ARHGEF28: variants seen among roughly 807,000 people sequenced by gnomAD.
The protein encoded by ARHGEF28 is Rho guanine nucleotide exchange factor 28.
In ARHGEF28, 152 loss-of-function variants were observed where a neutral mutation model predicts 206.6. That is an observed-to-expected ratio of 0.74 (90% CI 0.64 to 0.84). The LOEUF (loss-of-function observed/expected upper bound fraction) is 0.84. Among genes scored for constraint, ARHGEF28 ranks in the 40% least tolerant of loss-of-function variants. ARHGEF28 has a pLI of 0.00. For synonymous variants in ARHGEF28, 763 were observed against 776.4 expected (o/e 0.98, Z 0.29); for missense variants, 2,028 against 2,073.2 (o/e 0.98, Z 0.42).
At chr5:73,811,292 C>A (rs1393870676) in intron 9 of ARHGEF28, among the ~76,000 whole-genome samples, 1 of 152,120 alleles carries the variant, frequency 6.6e-6, no homozygotes, top group Non-Finnish European at 1.5e-5. Context: ...GTTTTCTCTA[C>A]CCAGAAGTAC....
chr5:73,925,968 G>A (rs1763777141), intron 35 of ARHGEF28, among the ~76,000 whole-genome samples: 1 of 152,186 alleles, frequency 6.6e-6, no homozygotes, highest in South Asian at 2.1e-4. Context: ...ATACTTAGGA[G>A]AATTGCTGCT....
intron 2 of ARHGEF28, among the ~76,000 whole-genome samples, chr5:73,704,609 G>C (rs1283005947): frequency 6.6e-6 from 1 of 152,006 alleles, no homozygotes; most frequent in Non-Finnish European, 1.5e-5. Flanking sequence ...ATTTTTAGTA[G>C]AAATGGGGTT....
At chr5:73,882,410 A>ATT in intron 22 of ARHGEF28, 62 bp from the exon 23 acceptor site, 1 of 1,183,522 alleles carries the variant, frequency 8.4e-7, no homozygotes. Context: ...AAAATTGCAT[A>ATT]TTTTTTGTGT....
At chr5:73,852,510 A>C (rs530205775) in intron 13 of ARHGEF28, 140 bp from the exon 14 acceptor site, 1 of 742,420 alleles carries the variant, frequency 1.3e-6, no homozygotes, top group African/African-American at 1.7e-5. Context: ...CCTTACTTAT[A>C]TAAGGTAACT....
chr5:73,720,581 G>T (rs1444142790), intron 2 of ARHGEF28, among the ~76,000 whole-genome samples: 1 of 152,100 alleles, frequency 6.6e-6, no homozygotes, highest in Non-Finnish European at 1.5e-5. Context: ...GGGAATGACG[G>T]GTGGGATGGT....
intron 22 of ARHGEF28, 44 bp from the exon 23 acceptor site, chr5:73,882,428 A>T: frequency 1.5e-6 from 2 of 1,311,658 alleles, no homozygotes; most frequent in Non-Finnish European, 1.0e-6. Context: ...TGTGTTTAGA[A>T]CTTACTAAAT....
intron 9 of ARHGEF28, among the ~76,000 whole-genome samples, chr5:73,802,606 A>G (rs1206314843): frequency 6.6e-6 from 1 of 152,172 alleles, no homozygotes; most frequent in Non-Finnish European, 1.5e-5. Flanking sequence ...TTTCAATAAA[A>G]TGATTAGATT....
chr5:73,740,908 A>T (rs1238275338), intron 2 of ARHGEF28, among the ~76,000 whole-genome samples: 1 of 152,086 alleles, frequency 6.6e-6, no homozygotes, highest in Non-Finnish European at 1.5e-5. Flanking sequence ...TAAAATCCCA[A>T]CTTGTGTCTA....
At chr5:73,875,901 G>A (rs934552092) in intron 22 of ARHGEF28, among the ~76,000 whole-genome samples, 6 of 152,048 alleles carry the variant, frequency 3.9e-5, no homozygotes, top group East Asian at 1.9e-4. Flanking sequence ...TTGGCGATGC[G>A]GGCTCTTTTT....
At position 73,627,533 on chromosome 5, in the gene ARHGEF28, A is replaced by C. The variant is rs140397533; in HGVS notation, c.-12+1211A>C. Among the ~76,000 whole-genome samples, 1,476 of 152,288 alleles carry C rather than the reference A, an allele frequency of 9.7e-3. 33 individuals are homozygous for C. Among genetic ancestry groups the C allele is most frequent in the African/African-American group, 0.033 (1,383 of 41,562 alleles). On this transcript the variant is annotated intron_variant, in intron 1 of 35. Transcript: ENST00000513042. ...GGGAAACCTGGGAAGGTTTCTCTAG[A>C]TCTGTCCTGGGTTTTTAGTTACACA...
intron 2 of ARHGEF28, among the ~76,000 whole-genome samples, chr5:73,719,367 C>T (rs1459278821): frequency 2.0e-5 from 3 of 149,930 alleles, no homozygotes; most frequent in African/African-American, 7.4e-5. Context: ...GCCGAGATCA[C>T]GCCGCTGCAC....
chr5:73,814,318 A>G (rs1053839046), intron 9 of ARHGEF28, among the ~76,000 whole-genome samples: 2 of 152,094 alleles, frequency 1.3e-5, no homozygotes, highest in Non-Finnish European at 2.9e-5. Context: ...AAGAAGAGCC[A>G]TTTATCTGAG....
intron 2 of ARHGEF28, among the ~76,000 whole-genome samples, chr5:73,726,650 T>C (rs568648623): frequency 6.6e-6 from 1 of 152,338 alleles, no homozygotes; most frequent in Non-Finnish European, 1.5e-5. Context: ...TGAATAGCGT[T>C]TCAGGGTGAC....
At chr5:73,734,631 A>C (rs1418974596) in intron 2 of ARHGEF28, among the ~76,000 whole-genome samples, 3 of 152,096 alleles carry the variant, frequency 2.0e-5, no homozygotes, top group Non-Finnish European at 4.4e-5. Context: ...CCCAGAAAAA[A>C]ATCAGATACA....
rs1328889431 is a variant in ARHGEF28, at chr5:73,885,882, G to T, written c.3088G>T (p.Ala1030Ser). The T allele has an allele frequency of 1.2e-6, 2 of 1,613,206 alleles. No homozygotes were observed. The highest frequency in any genetic ancestry group is 4.5e-5 in the East Asian group (2 of 44,880). Residue 1030 changes from alanine (A) to serine (S), a missense_variant, in exon 25 of 36, where the codon GCG becomes TCG. This residue lies in a region of ARHGEF28 where 223 missense variants were observed against 289.9 expected (regional missense o/e 0.77). Transcript: ENST00000513042. ...RTEEHKDLRKALCLIKDMIAT... is the reference protein window; with the variant it reads ...RTEEHKDLRKSLCLIKDMIAT... ...TGAGGAACATAAAGACTTACGCAAAGCGCTTTGCTTAATTAAAGACATGAT... is the reference window on the plus strand; with the variant it reads ...TGAGGAACATAAAGACTTACGCAAATCGCTTTGCTTAATTAAAGACATGAT...
At chr5:73,713,863 G>A (rs1027315026) in intron 2 of ARHGEF28, among the ~76,000 whole-genome samples, 4 of 152,038 alleles carry the variant, frequency 2.6e-5, no homozygotes, top group Non-Finnish European at 5.9e-5. Flanking sequence ...CATTATTGAT[G>A]TTTTTCAGAG....
In ARHGEF28 at chr5:73,788,167, G is replaced by A. The variant is rs12109190; in HGVS notation, c.911-6235G>A. Among the ~76,000 whole-genome samples, 157 of 152,286 alleles carry A rather than the reference G, an allele frequency of 1.0e-3. 2 individuals are homozygous for A. Among genetic ancestry groups the A allele is most frequent in the African/African-American group, 3.6e-3 (150 of 41,576 alleles). On this transcript the variant is annotated intron_variant, in intron 7 of 35. Transcript: ENST00000513042. ...CTCAACTAAGTATTCTAATAGAATT[G>A]CAGTGATCTTTACTTGAAAATATAG...
At chr5:73,906,301 C>G (rs898079020) in intron 33 of ARHGEF28, among the ~76,000 whole-genome samples, 6 of 152,136 alleles carry the variant, frequency 3.9e-5, no homozygotes, top group Admixed American at 1.3e-4. Flanking sequence ...TGCAGTGGCA[C>G]GATCTCAACT....
chr5:73,651,501 T>C (rs1298210539), intron 1 of ARHGEF28, among the ~76,000 whole-genome samples: 1 of 152,188 alleles, frequency 6.6e-6, no homozygotes, highest in African/African-American at 2.4e-5. Flanking sequence ...TGTTAATATG[T>C]CTCCCAAGCT....
Sources: gnomAD v4.1 joint callset for allele counts (sites outside exome capture counted in the v4.1 genomes callset) on GRCh38, gnomAD v4.1.1 for gene constraint, gnomAD v4.1.1 regional missense constraint, MANE v1.5 for transcripts, NCBI Gene and HGNC (gene_info 2026-07-23, HGNC 2026-07-21) for gene names.